Variants in CSMD2 observed in about 807,000 individuals in gnomAD.
The protein encoded by CSMD2 is CUB and Sushi multiple domains 2, also known as CUB and sushi domain-containing protein 2.
CSMD2 carries 130 observed loss-of-function variants against 398.5 expected under a neutral mutation model. The observed-to-expected ratio is 0.33, with a 90% CI of 0.28 to 0.38. CSMD2 has a LOEUF of 0.38. Among genes scored for constraint, CSMD2 ranks in the 10% least tolerant of loss-of-function variants. The pLI is 1.00. For synonymous variants in CSMD2, 1,828 were observed against 1,908.5 expected, an observed-to-expected ratio of 0.96 and a Z score of 1.10; for missense variants, 3,829 against 4,764.9, an observed-to-expected ratio of 0.80 and a Z score of 5.78.
At chr1:33,534,236 T>C (rs1487511633) in intron 62 of CSMD2, among the ~76,000 whole-genome samples, 1 of 152,182 alleles carries the variant, frequency 6.6e-6, no homozygotes, top group Non-Finnish European at 1.5e-5. Flanking sequence ...CTGTAAACCT[T>C]AGTCTTCCTA....
chr1:33,529,821 C>T (rs1448355761), intron 64 of CSMD2, among the ~76,000 whole-genome samples: 1 of 152,002 alleles, frequency 6.6e-6, no homozygotes, highest in Non-Finnish European at 1.5e-5. Flanking sequence ...TCAGAGAACA[C>T]CAACAAGAGA....
chr1:33,731,997 T>C (rs1352225948), intron 15 of CSMD2, among the ~76,000 whole-genome samples: 5 of 152,222 alleles, frequency 3.3e-5, no homozygotes, highest in South Asian at 4.1e-4. Context: ...ATTGTTGAGG[T>C]TGACTGATAG....
At chr1:34,148,684 A>G (rs1640009274) in intron 1 of CSMD2, among the ~76,000 whole-genome samples, 1 of 152,200 alleles carries the variant, frequency 6.6e-6, no homozygotes, top group Non-Finnish European at 1.5e-5. Context: ...ATGGACCTTT[A>G]CAAGCATGAC....
chr1:34,082,839 A>G (rs1657407362), intron 2 of CSMD2, among the ~76,000 whole-genome samples: 1 of 152,164 alleles, frequency 6.6e-6, no homozygotes. Context: ...GCGGTGCAAG[A>G]TGTGCTTTGT....
chr1:34,009,364 T>C (rs889464454), intron 3 of CSMD2, among the ~76,000 whole-genome samples: 1 of 147,642 alleles, frequency 6.8e-6, no homozygotes, highest in African/African-American at 2.5e-5. Flanking sequence ...TGGGGGAAGG[T>C]GGAAGGGCCT....
intron 25 of CSMD2, among the ~76,000 whole-genome samples, chr1:33,668,110 AG>A (rs1233580467): frequency 6.6e-6 from 1 of 152,128 alleles, no homozygotes; most frequent in Non-Finnish European, 1.5e-5. Flanking sequence ...AGGAGGGGTG[AG>A]AGGTGGGAGG....
At chr1:33,756,169 T>C (rs1648983682) in intron 13 of CSMD2, among the ~76,000 whole-genome samples, 1 of 152,248 alleles carries the variant, frequency 6.6e-6, no homozygotes, top group Non-Finnish European at 1.5e-5. Context: ...CAGGGTCATC[T>C]TCTCACTTGC....
intron 68 of CSMD2, 128 bp downstream of exon 68, chr1:33,521,335 T>A (rs959999436): frequency 1.7e-5 from 12 of 691,020 alleles, no homozygotes; most frequent in Middle Eastern, 3.1e-4. Flanking sequence ...GCATCCCTGA[T>A]CCCAAAGAGG....
At chr1:33,646,036 T>G (rs1557669351) in intron 29 of CSMD2, among the ~76,000 whole-genome samples, 1 of 152,182 alleles carries the variant, frequency 6.6e-6, no homozygotes, top group Admixed American at 6.5e-5. Flanking sequence ...GGGGAAAAAT[T>G]GTTGACTCTT....
At chr1:33,868,084 G>C (rs1435128874) in intron 5 of CSMD2, among the ~76,000 whole-genome samples, 2 of 152,186 alleles carry the variant, frequency 1.3e-5, no homozygotes, top group African/African-American at 2.4e-5. Flanking sequence ...GAGAGGGAGG[G>C]AAGGAGGAGG....
At chr1:33,617,892 G>A (rs1244344264) in intron 37 of CSMD2, among the ~76,000 whole-genome samples, 6 of 152,138 alleles carry the variant, frequency 3.9e-5, no homozygotes, top group Admixed American at 3.9e-4. Context: ...CACTCACTGA[G>A]CTCTTAGCTA....
At chr1:33,779,315 A>G (rs539172576) in intron 12 of CSMD2, among the ~76,000 whole-genome samples, 62 of 152,330 alleles carry the variant, frequency 4.1e-4, no homozygotes, top group Middle Eastern at 6.8e-3. Flanking sequence ...CACAAAGTCC[A>G]GGATCTAAAT....
chr1:33,549,000 G>A (rs949197792), intron 56 of CSMD2, among the ~76,000 whole-genome samples: 1 of 152,250 alleles, frequency 6.6e-6, no homozygotes, highest in African/African-American at 2.4e-5. Flanking sequence ...AGAGGCCAAA[G>A]TCCTGGGTGG....
At chr1:33,836,697 C>T (rs1660311082) in intron 6 of CSMD2, among the ~76,000 whole-genome samples, 2 of 152,184 alleles carry the variant, frequency 1.3e-5, no homozygotes, top group African/African-American at 2.4e-5. Flanking sequence ...GTGCCATTTG[C>T]TAAGACTGTC....
At chr1:33,584,510 A>G (rs1048834162) in intron 46 of CSMD2, among the ~76,000 whole-genome samples, 1 of 152,052 alleles carries the variant, frequency 6.6e-6, no homozygotes. Context: ...TTTCTACTAA[A>G]AATACAAAAA....
In CSMD2 at chr1:34,164,834, C is replaced by G. The variant is rs1389883030; in HGVS notation, c.187+77G>C. The stretch of plus-strand genomic sequence containing the variant: ...TAGAGGCGGGGGGAGGGACTGGGAC[C>G]GGGTCGAGGATGGGTGGGCTCGGGG... On this transcript the variant is annotated intron_variant, in intron 1 of 70. Transcript: ENST00000373381. The surrounding 1 kb of genome is among the most constrained non-coding windows in gnomAD (Gnocchi z 6.2). 2 of 873,784 alleles carry G rather than the reference C, an allele frequency of 2.3e-6. No individual in the cohort carries two copies. Among genetic ancestry groups the G allele is most frequent in the Non-Finnish European group, 2.7e-6 (2 of 750,530 alleles). The allele number at this position is 873,784 out of a possible 1,614,324, so 54.1% of individuals were successfully genotyped here.
intron 1 of CSMD2, among the ~76,000 whole-genome samples, chr1:34,110,040 C>CAAAAAAAAAAAA (rs57314887): frequency 4.7e-5 from 3 of 63,406 alleles, no homozygotes; most frequent in Admixed American, 2.3e-4. Context: ...GACTCTGTCT[C>CAAAAAAAAAAAA]AAAAAAAAAA....
chr1:33,800,305 A>G (rs1655441381), intron 10 of CSMD2, among the ~76,000 whole-genome samples: 1 of 152,090 alleles, frequency 6.6e-6, no homozygotes, highest in Non-Finnish European at 1.5e-5. Flanking sequence ...GGAGGAGGGG[A>G]GGCCAGTAGG....
intron 1 of CSMD2, among the ~76,000 whole-genome samples, chr1:34,146,212 C>T (rs894334699): frequency 2.0e-5 from 3 of 152,150 alleles, no homozygotes; most frequent in African/African-American, 2.4e-5. Context: ...GGACCTGTGC[C>T]CTGAGGGGTA....
Sources: allele counts gnomAD v4.1 joint callset (sites outside exome capture counted in the v4.1 genomes callset), GRCh38; gene constraint gnomAD v4.1.1; non-coding constraint Gnocchi (gnomAD v3.1); transcripts MANE v1.5; gene names NCBI Gene and HGNC (gene_info 2026-07-23, HGNC 2026-07-21).